The following RAB31 variants were observed in gnomAD, a reference collection of about 807,000 sequenced individuals.
RAB31 encodes the protein RAB31, member RAS oncogene family, also known as ras-related protein Rab-31.
Under a neutral mutation model 25.6 loss-of-function variants are expected in RAB31, and 21 were observed. The ratio of observed to expected loss-of-function variants is 0.82; its 90% CI spans 0.58 to 1.18. RAB31 has a LOEUF of 1.18. RAB31 is among the 50% of genes most tolerant of loss of function. The probability of loss-of-function intolerance (pLI) is 0.00; values close to 1 mark genes in which losing one functional copy is unlikely to be tolerated. For missense variants in RAB31, 196 were observed against 250.1 expected (o/e 0.78, Z 1.46); for synonymous variants, 87 against 84.0 (o/e 1.04, Z -0.20).
At chr18:9,800,647 A>T (rs113820365) in intron 3 of RAB31, among the ~76,000 whole-genome samples, 4,614 of 152,248 alleles carry the variant, frequency 0.03, 186 homozygotes, top group African/African-American at 0.088. Flanking sequence ...TGGCCTTGGA[A>T]GCAGATGAGC....
In RAB31 at chr18:9,844,132, C is replaced by G. The variant is rs138842562; in HGVS notation, c.381-1450C>G. ...GGAGCTTCCAGATTCTTCTCCTCAC[C>G]TCCATCCATTCTATGCACCATTTTT... On this transcript the variant is annotated intron_variant, in intron 5 of 6. Transcript: ENST00000578921. Among the ~76,000 whole-genome samples the G allele has an allele frequency of 1.9e-3, 295 of 152,286 alleles. 1 individual carries two copies. Among genetic ancestry groups the G allele is most frequent in the South Asian group, 0.014 (66 of 4,822 alleles).
intron 3 of RAB31, among the ~76,000 whole-genome samples, chr18:9,813,522 C>G (rs369969166): frequency 3.3e-5 from 5 of 152,242 alleles, no homozygotes; most frequent in Non-Finnish European, 7.4e-5. Context: ...CACAAGCATA[C>G]ATATGTGTTG....
chr18:9,773,819 C>G (rs1030265243), intron 1 of RAB31, among the ~76,000 whole-genome samples: 1 of 152,052 alleles, frequency 6.6e-6, no homozygotes, highest in Non-Finnish European at 1.5e-5. Flanking sequence ...TCGCCACACC[C>G]GGCTAATTTT....
At chr18:9,812,378 A>G (rs1406639428) in intron 3 of RAB31, among the ~76,000 whole-genome samples, 2 of 152,208 alleles carry the variant, frequency 1.3e-5, no homozygotes, top group Non-Finnish European at 2.9e-5. Flanking sequence ...AATGGGACAC[A>G]CATTTCAACT....
chr18:9,746,223 A>C (rs2068204997), intron 1 of RAB31, among the ~76,000 whole-genome samples: 1 of 152,238 alleles, frequency 6.6e-6, no homozygotes, highest in South Asian at 2.1e-4. Flanking sequence ...AAAAACATAT[A>C]CAATGAAAAC....
At chr18:9,823,738 G>A (rs185989066) in intron 5 of RAB31, among the ~76,000 whole-genome samples, 363 of 152,204 alleles carry the variant, frequency 2.4e-3, no homozygotes, top group African/African-American at 8.4e-3. Flanking sequence ...CAAAAATTTT[G>A]TAAACACACT....
chr18:9,794,979 C>T (rs559142599), intron 3 of RAB31, among the ~76,000 whole-genome samples: 49 of 152,094 alleles, frequency 3.2e-4, no homozygotes, highest in African/African-American at 1.0e-3. Context: ...TCACATTACC[C>T]GACCTCAAAC....
chr18:9,835,050 C>G (rs2068697149), intron 5 of RAB31, among the ~76,000 whole-genome samples: 1 of 152,156 alleles, frequency 6.6e-6, no homozygotes, highest in African/African-American at 2.4e-5. Flanking sequence ...TATGTCAATC[C>G]TCCCATCCCA....
At chr18:9,846,741 T>C (rs1428635881) in intron 6 of RAB31, among the ~76,000 whole-genome samples, 1 of 152,210 alleles carries the variant, frequency 6.6e-6, no homozygotes, top group African/African-American at 2.4e-5. Context: ...TTTGAGTGCA[T>C]TACTTTAGAC....
At chr18:9,782,559 A>G (rs565275758) in intron 2 of RAB31, among the ~76,000 whole-genome samples, 24 of 152,188 alleles carry the variant, frequency 1.6e-4, no homozygotes, top group African/African-American at 5.5e-4. Flanking sequence ...TTTTTATTTC[A>G]ACTTTTGTAA....
chr18:9,717,326 A>G (rs1235351749), intron 1 of RAB31, among the ~76,000 whole-genome samples: 1 of 152,050 alleles, frequency 6.6e-6, no homozygotes, highest in Non-Finnish European at 1.5e-5. Context: ...GAAGTCATGA[A>G]TGTGGCTTCT....
At chr18:9,729,341 C>T (rs1386293507) in intron 1 of RAB31, among the ~76,000 whole-genome samples, 1 of 152,034 alleles carries the variant, frequency 6.6e-6, no homozygotes, top group Non-Finnish European at 1.5e-5. Flanking sequence ...TCCTGTCTAA[C>T]ATGGTGAAAC....
chr18:9,781,638 T>G (rs2068405424), intron 2 of RAB31, among the ~76,000 whole-genome samples: 1 of 152,246 alleles, frequency 6.6e-6, no homozygotes, highest in Non-Finnish European at 1.5e-5. Flanking sequence ...TCCCTTGCTT[T>G]TCCTCTGGAG....
At chr18:9,789,729 A>G (rs1013119644) in intron 2 of RAB31, among the ~76,000 whole-genome samples, 5 of 152,214 alleles carry the variant, frequency 3.3e-5, no homozygotes, top group Admixed American at 2.6e-4. Context: ...TAATAAAGAC[A>G]TTAACATTTT....
chr18:9,735,760 A>G (rs1227213632), intron 1 of RAB31, among the ~76,000 whole-genome samples: 5 of 152,256 alleles, frequency 3.3e-5, no homozygotes, highest in African/African-American at 1.2e-4. Context: ...CAGGAGTTTG[A>G]GATCAGCTTG....
chr18:9,775,855 G>A (rs1375423369), intron 2 of RAB31, among the ~76,000 whole-genome samples: 1 of 152,114 alleles, frequency 6.6e-6, no homozygotes, highest in Non-Finnish European at 1.5e-5. Context: ...GTGCAGTGGG[G>A]TGATCTTGGC....
At chr18:9,846,424 C>T (rs2068762192) in intron 6 of RAB31, among the ~76,000 whole-genome samples, 1 of 152,196 alleles carries the variant, frequency 6.6e-6, no homozygotes, top group African/African-American at 2.4e-5. Context: ...AGAGAAGTCC[C>T]TGCTGACAGC....
intron 1 of RAB31, among the ~76,000 whole-genome samples, chr18:9,714,203 C>T (rs1457567125): frequency 6.6e-6 from 1 of 152,228 alleles, no homozygotes; most frequent in African/African-American, 2.4e-5. Context: ...TGGTCCCCAA[C>T]CTTTTTGGCA....
chr18:9,716,898 A>G (rs948754493), intron 1 of RAB31, among the ~76,000 whole-genome samples: 3 of 122,252 alleles, frequency 2.5e-5, no homozygotes, highest in East Asian at 2.2e-4. Flanking sequence ...GCGTGCCACC[A>G]CACTTGGCTA....
Sources: allele counts gnomAD v4.1 joint callset (sites outside exome capture counted in the v4.1 genomes callset), GRCh38; gene constraint gnomAD v4.1.1; transcripts MANE v1.5; gene names NCBI Gene and HGNC (gene_info 2026-07-23, HGNC 2026-07-21).